EMB: variants seen among roughly 807,000 people sequenced by gnomAD.
EMB encodes embigin, also known as embigin homolog.
A neutral mutation model predicts 41.4 loss-of-function variants in EMB; 31 were observed. The observed-to-expected ratio is 0.75, with a 90% CI of 0.56 to 1.01. The LOEUF (loss-of-function observed/expected upper bound fraction) is 1.01. Ranked by LOEUF, EMB falls within the 50% of genes least tolerant of loss-of-function variation. The pLI is 0.00. For missense variants in EMB, 379 were observed against 388.3 expected (o/e 0.98, Z 0.20); for synonymous variants, 137 against 140.4 (o/e 0.98, Z 0.17).
rs1437765346 is a variant in EMB, at chr5:50,409,830, T to C, written c.472+1047A>G. The stretch of plus-strand genomic sequence containing the variant: ...AAAGTTAAGAAAGAATATACATGAC[T>C]AAAATAATCAAAGAATGATACTAGT... On this transcript the variant is annotated intron_variant, in intron 4 of 8. Transcript: ENST00000303221. Among the ~76,000 whole-genome samples the C allele has an allele frequency of 2.0e-5, 3 of 152,004 alleles. No individual in the cohort carries two copies. The East Asian group carries it at 5.8e-4, about 29-fold the overall frequency.
chr5:50,435,993 T>C (rs1161830510), intron 1 of EMB, among the ~76,000 whole-genome samples: 1 of 152,150 alleles, frequency 6.6e-6, no homozygotes, highest in Non-Finnish European at 1.5e-5. Context: ...TATCTGCTAC[T>C]TTCCCACACT....
chr5:50,429,967 TTTCTC>T (rs1745686445), intron 1 of EMB, among the ~76,000 whole-genome samples: 2 of 79,954 alleles, frequency 2.5e-5, no homozygotes, highest in African/African-American at 1.5e-4. Context: ...CCCAACTCTC[TTTCTC>T]TCTCTCTCTC....
rs760232355 is a variant in EMB at position 50,403,356 on chromosome 5, T to A, written c.699A>T (p.Glu233Asp). The A allele has an allele frequency of 1.2e-6, 2 of 1,612,600 alleles. No individual in the cohort carries two copies. The highest frequency in any genetic ancestry group is 2.7e-5 in the African/African-American group (2 of 74,768). Residue 233 changes from glutamate to aspartate, a missense_variant, in exon 6 of 9, where the codon GAA becomes GAT. By Grantham distance (45) the Glu-to-Asp change is conservative. Coordinates refer to ENST00000303221, the MANE Select transcript of EMB (RefSeq NM_198449.3). ...GGAATAGTGCACGGCACCAGTAAGATTCCCCATCTTCCTCCAAAAGTTGTG... is the reference window on the plus strand; with the variant it reads ...GGAATAGTGCACGGCACCAGTAAGAATCCCCATCTTCCTCCAAAAGTTGTG... ...KITQLLEEDG[E>D]SYWCRALFQL...
intron 1 of EMB, among the ~76,000 whole-genome samples, chr5:50,433,389 G>A (rs916582524): frequency 6.6e-6 from 1 of 152,160 alleles, no homozygotes; most frequent in African/African-American, 2.4e-5. Flanking sequence ...AAAGGGCAAT[G>A]TAAAAATTCT....
At chr5:50,405,421 C>G (rs1006234645) in intron 5 of EMB, among the ~76,000 whole-genome samples, 1 of 151,800 alleles carries the variant, frequency 6.6e-6, no homozygotes, top group Admixed American at 6.6e-5. Flanking sequence ...TATTTCTAAA[C>G]TAGGCAACTA....
Position 50,397,158 on chromosome 5 carries a change from G to A in EMB, c.*2115C>T, listed in dbSNP as rs1184038268. On this transcript the variant is annotated 3_prime_UTR_variant, in exon 9 of 9. Coordinates refer to ENST00000303221, the MANE Select transcript of EMB (RefSeq NM_198449.3). ...AGTTTTCCTACTTCAACTTTTATGC[G>A]GCTTATTATTTGCAGTCAATTTATA... 2.6e-5 allele frequency: 4 copies of A among 151,970 alleles called. No individual in the cohort carries two copies. The highest frequency in any genetic ancestry group is 3.9e-4 in the East Asian group (2 of 5,138). The allele number at this position is 151,970 out of a possible 1,614,324, so 9.4% of individuals were successfully genotyped here. A position where few individuals can be genotyped will look rare whatever the true frequency, so the allele number is the denominator to read the frequency against.
chr5:50,413,223 T>C (rs551530486), intron 2 of EMB, among the ~76,000 whole-genome samples: 15 of 152,346 alleles, frequency 9.8e-5, no homozygotes, highest in African/African-American at 3.4e-4. Flanking sequence ...ACGTTCTCTT[T>C]ATAGAAAAAT....
At chr5:50,410,079 C>T (rs1281295150) in intron 4 of EMB, among the ~76,000 whole-genome samples, 8 of 151,996 alleles carry the variant, frequency 5.3e-5, no homozygotes, top group South Asian at 4.1e-4. Context: ...AGCAGACAGT[C>T]GGGCTTTAGG....
chr5:50,406,671 T>C (rs1745254469), intron 4 of EMB, among the ~76,000 whole-genome samples: 1 of 152,046 alleles, frequency 6.6e-6, no homozygotes, highest in Non-Finnish European at 1.5e-5. Flanking sequence ...ACTGAAGATG[T>C]AGACTCATCA....
In EMB at chr5:50,411,662, G is replaced by A. The variant is rs549931708; in HGVS notation, c.197-279C>T. 45 of 175,764 alleles carry A rather than the reference G, an allele frequency of 2.6e-4. No homozygotes were observed. The East Asian group carries it at 5.2e-3, about 20-fold the overall frequency. The allele number at this position is 175,764 out of a possible 1,614,324, so 10.9% of individuals were successfully genotyped here. A position where few individuals can be genotyped will look rare whatever the true frequency, so the allele number is the denominator to read the frequency against. On this transcript the variant is annotated intron_variant, in intron 2 of 8. Coordinates refer to ENST00000303221, the MANE Select transcript of EMB (RefSeq NM_198449.3). ...TCTATACTGAGCAGAATATAGGGTAGAGAGTACCCTATAACATGTGCCGTA... is the reference window on the plus strand; with the variant it reads ...TCTATACTGAGCAGAATATAGGGTAAAGAGTACCCTATAACATGTGCCGTA...
rs1320314685 is a variant in EMB at position 50,416,047 on chromosome 5, GGTGCTTCTGCAGTTTGCT to G, written c.197-4682_197-4665del. ...TCACTGTTTCCTATAATACTTTGCA[GGTGCTTCTGCAGTTTGCT>G]GTGCTTCTGCAGTTTGCTTTCCTTC... On this transcript the variant is annotated intron_variant, in intron 2 of 8. Transcript: ENST00000303221. Among the ~76,000 whole-genome samples the G allele has an allele frequency of 2.6e-5, 4 of 152,242 alleles. No individual in the cohort carries two copies. In the South Asian group the frequency reaches 6.2e-4, roughly 24 times the overall value.
intron 1 of EMB, among the ~76,000 whole-genome samples, chr5:50,438,304 A>C (rs1386307067): frequency 6.6e-6 from 1 of 152,218 alleles, no homozygotes; most frequent in Non-Finnish European, 1.5e-5. Context: ...TCAAGGCTGC[A>C]GTGAGCCGTG....
upstream of EMB, chr5:50,441,371 C>T (rs1269435603): frequency 5.6e-6 from 2 of 355,690 alleles, no homozygotes; most frequent in Non-Finnish European, 1.0e-5. Flanking sequence ...GTTATGCAGC[C>T]CTCAGCCGGC....
At chr5:50,432,667 A>G (rs1293183626) in intron 1 of EMB, among the ~76,000 whole-genome samples, 1 of 151,756 alleles carries the variant, frequency 6.6e-6, no homozygotes, top group Non-Finnish European at 1.5e-5. Flanking sequence ...AATGCAGCAG[A>G]AAGAGGAAAA....
rs866660621 is a variant in EMB at position 50,415,837 on chromosome 5, A to G, written c.197-4454T>C. 1.4e-4 allele frequency among the ~76,000 whole-genome samples: 21 copies of G among 152,388 alleles called. No homozygotes were observed. The Middle Eastern group carries it at 0.01, about 74-fold the overall frequency. On this transcript the variant is annotated intron_variant, in intron 2 of 8. Transcript: ENST00000303221. ...AACAAGATTTTAAATAAAAGAAAAT[A>G]TTAATAGAAGATTAAAGAAATGTAC...
At chr5:50,421,864 G>A (rs997824028) in intron 2 of EMB, among the ~76,000 whole-genome samples, 1 of 139,756 alleles carries the variant, frequency 7.2e-6, no homozygotes, top group African/African-American at 2.7e-5. Flanking sequence ...ATGGACACAG[G>A]AAGGGGAACA....
At chr5:50,410,610 A>G (rs1745320539) in intron 4 of EMB, among the ~76,000 whole-genome samples, 1 of 152,132 alleles carries the variant, frequency 6.6e-6, no homozygotes, top group African/African-American at 2.4e-5. Context: ...AATTCAGGCA[A>G]CTGATATAAT....
rs1033110 is a variant in EMB at position 50,399,927 on chromosome 5, A to G, written c.912-14T>C. The G allele has an allele frequency of 1.5e-3, 2,350 of 1,589,892 alleles. 29 individuals carry two copies. The African/African-American group carries it at 0.028, about 19-fold the overall frequency. ...TCATCTGATTTCCTGCACAGAAAAC[A>G]AAAAAGAAAATTACTAAATGCTTAT... On this transcript the variant is annotated splice_polypyrimidine_tract_variant and intron_variant, in intron 7 of 8. Transcript: ENST00000303221.
chr5:50,401,821 A>G (rs1280897049), intron 7 of EMB, among the ~76,000 whole-genome samples: 2 of 151,924 alleles, frequency 1.3e-5, no homozygotes, highest in Admixed American at 6.6e-5. Flanking sequence ...CCCCAACCCA[A>G]GAGGTTCTGA....
Sources: allele counts gnomAD v4.1 joint callset (sites outside exome capture counted in the v4.1 genomes callset), GRCh38; gene constraint gnomAD v4.1.1; transcripts MANE v1.5; gene names NCBI Gene and HGNC (gene_info 2026-07-23, HGNC 2026-07-21).